The following SCMH1 variants were observed in gnomAD, a reference collection of about 807,000 sequenced individuals.
SCMH1 encodes polycomb protein SCMH1.
SCMH1 carries 37 observed loss-of-function variants against 70.8 expected under a neutral mutation model. The ratio of observed to expected loss-of-function variants is 0.52; its 90% CI spans 0.40 to 0.69. The LOEUF (loss-of-function observed/expected upper bound fraction) is 0.69, where lower values mean the gene tolerates loss of function less well. Among genes scored for constraint, SCMH1 ranks in the 30% least tolerant of loss-of-function variants. The pLI is 0.00. For synonymous variants in SCMH1, 292 were observed against 307.4 expected (o/e 0.95, Z 0.52); for missense variants, 607 against 827.3 (o/e 0.73, Z 3.27).
chr1:41,085,824 A>G (rs1379872665), intron 8 of SCMH1, among the ~76,000 whole-genome samples: 2 of 150,348 alleles, frequency 1.3e-5, no homozygotes, highest in Non-Finnish European at 2.9e-5. Flanking sequence ...TAGTATTAAA[A>G]TTAATTTCAC....
chr1:41,119,144 T>C (rs1330500686), intron 6 of SCMH1, among the ~76,000 whole-genome samples: 1 of 152,152 alleles, frequency 6.6e-6, no homozygotes, highest in Non-Finnish European at 1.5e-5. Flanking sequence ...ACTGGCAATG[T>C]ATGGGTAAAA....
At chr1:41,231,196 G>C (rs1661235365) in intron 1 of SCMH1, among the ~76,000 whole-genome samples, 1 of 152,122 alleles carries the variant, frequency 6.6e-6, no homozygotes, top group Non-Finnish European at 1.5e-5. Context: ...ATATACATAA[G>C]AAACTGAGGC....
chr1:41,133,872 C>T (rs1337435898), intron 6 of SCMH1, among the ~76,000 whole-genome samples: 1 of 152,154 alleles, frequency 6.6e-6, no homozygotes, highest in Non-Finnish European at 1.5e-5. Flanking sequence ...GAGCTGGTAC[C>T]ATTCCTTCTG....
intron 13 of SCMH1, among the ~76,000 whole-genome samples, chr1:41,031,411 T>C (rs2148506574): frequency 6.6e-6 from 1 of 152,164 alleles, no homozygotes; most frequent in Non-Finnish European, 1.5e-5. Flanking sequence ...TCTCCTCCCA[T>C]TTGCCTTCAT....
At chr1:41,220,208 G>C (rs1042739403) in intron 1 of SCMH1, among the ~76,000 whole-genome samples, 1 of 152,170 alleles carries the variant, frequency 6.6e-6, no homozygotes, top group Admixed American at 6.5e-5. Flanking sequence ...CCCAGTCGGA[G>C]GACCCATGGC....
At chr1:41,228,676 T>G (rs1469701870) in intron 1 of SCMH1, among the ~76,000 whole-genome samples, 1 of 151,558 alleles carries the variant, frequency 6.6e-6, no homozygotes, top group Non-Finnish European at 1.5e-5. Flanking sequence ...TTCCAGGTAC[T>G]TAGGAGGCTG....
intron 2 of SCMH1, among the ~76,000 whole-genome samples, chr1:41,178,494 C>A (rs185327889): frequency 6.9e-3 from 1,050 of 152,212 alleles, no homozygotes; most frequent in Non-Finnish European, 0.011. Context: ...AGACCCATCT[C>A]ACATGCAGAG....
chr1:41,111,206 A>G (rs1275458340), intron 8 of SCMH1, among the ~76,000 whole-genome samples: 1 of 152,194 alleles, frequency 6.6e-6, no homozygotes, highest in African/African-American at 2.4e-5. Flanking sequence ...AAAGTAAATC[A>G]AATCTTGTCA....
At chr1:41,065,478 T>C (rs944611717) in intron 10 of SCMH1, among the ~76,000 whole-genome samples, 2 of 152,090 alleles carry the variant, frequency 1.3e-5, no homozygotes, top group Non-Finnish European at 2.9e-5. Context: ...TCCACAACAA[T>C]AGCAAACCAA....
chr1:41,194,354 G>T (rs1314035546), intron 1 of SCMH1, among the ~76,000 whole-genome samples: 1 of 152,112 alleles, frequency 6.6e-6, no homozygotes, highest in African/African-American at 2.4e-5. Context: ...GCATGGTTCA[G>T]CTATATCAAA....
intron 6 of SCMH1, among the ~76,000 whole-genome samples, chr1:41,123,495 C>A (rs1157649899): frequency 5.3e-5 from 8 of 152,182 alleles, no homozygotes; most frequent in Non-Finnish European, 1.2e-4. Context: ...GGACTGGAAT[C>A]CCCTAGGGAA....
At chr1:41,038,325 C>G (rs1456102236) in intron 12 of SCMH1, among the ~76,000 whole-genome samples, 1 of 152,172 alleles carries the variant, frequency 6.6e-6, no homozygotes, top group Non-Finnish European at 1.5e-5. Flanking sequence ...ACAAAGAACC[C>G]GAAGCAGATT....
chr1:41,083,012 A>T (rs1368353573), intron 8 of SCMH1, among the ~76,000 whole-genome samples: 1 of 152,220 alleles, frequency 6.6e-6, no homozygotes, highest in Non-Finnish European at 1.5e-5. Context: ...ACCCACAGCC[A>T]ATATCATACT....
intron 2 of SCMH1, among the ~76,000 whole-genome samples, chr1:41,178,170 T>G (rs1454799987): frequency 1.3e-5 from 2 of 152,096 alleles, no homozygotes; most frequent in Admixed American, 1.3e-4. Flanking sequence ...ATAAAATCCT[T>G]TACAGACAAG....
At chr1:41,221,160 C>T (rs994810857) in intron 1 of SCMH1, among the ~76,000 whole-genome samples, 2 of 152,026 alleles carry the variant, frequency 1.3e-5, no homozygotes, top group Non-Finnish European at 2.9e-5. Context: ...CACAAAATGA[C>T]GAATGTTATA....
chr1:41,230,116 T>G (rs891777679), intron 1 of SCMH1, among the ~76,000 whole-genome samples: 1 of 152,144 alleles, frequency 6.6e-6, no homozygotes, highest in African/African-American at 2.4e-5. Context: ...GTATATCCAA[T>G]GCAATGGAAA....
intron 1 of SCMH1, among the ~76,000 whole-genome samples, chr1:41,226,142 T>C (rs1017686316): frequency 2.0e-5 from 3 of 152,212 alleles, no homozygotes; most frequent in Non-Finnish European, 4.4e-5. Context: ...AACAGAATAA[T>C]TTTATGTCAT....
chr1:41,075,783 A>G (rs1658111379), intron 8 of SCMH1, among the ~76,000 whole-genome samples: 1 of 152,194 alleles, frequency 6.6e-6, no homozygotes, highest in Non-Finnish European at 1.5e-5. Flanking sequence ...GCTCTTAGAA[A>G]CCTGTAATTC....
At chr1:41,180,464 C>T (rs957287489) in intron 2 of SCMH1, among the ~76,000 whole-genome samples, 7 of 151,344 alleles carry the variant, frequency 4.6e-5, no homozygotes, top group Non-Finnish European at 8.9e-5. Flanking sequence ...ATCTAGAAAA[C>T]CCCATCGTTA....
Sources: gnomAD v4.1 joint callset for allele counts (sites outside exome capture counted in the v4.1 genomes callset) on GRCh38, gnomAD v4.1.1 for gene constraint, MANE v1.5 for transcripts, NCBI Gene and HGNC (gene_info 2026-07-23, HGNC 2026-07-21) for gene names.